PLAU: variants seen among roughly 807,000 people sequenced by gnomAD.
PLAU encodes the protein urokinase-type plasminogen activator.
PLAU carries 32 observed loss-of-function variants against 48.9 expected under a neutral mutation model. The observed-to-expected ratio is 0.65, with a 90% confidence interval of 0.49 to 0.88. The LOEUF (loss-of-function observed/expected upper bound fraction) is 0.88. PLAU is among the 40% of genes least tolerant of loss of function. PLAU has a pLI of 0.00. For synonymous variants in PLAU, 199 were observed against 205.7 expected, an observed-to-expected ratio of 0.97 and a Z score of 0.28; for missense variants, 455 against 545.2, an observed-to-expected ratio of 0.83 and a Z score of 1.65.
chr10:73,914,369 A>T (rs1240061466), intron 8 of PLAU, among the ~76,000 whole-genome samples: 2 of 152,234 alleles, frequency 1.3e-5, no homozygotes, highest in Non-Finnish European at 2.9e-5. Context: ...GAGTGGAAAC[A>T]GCCCTGTGGG....
At chr10:73,914,218 G>T (rs549638430) in intron 8 of PLAU, 90 bp downstream of exon 8, 489 of 1,359,550 alleles carry the variant, frequency 3.6e-4, no homozygotes, top group Non-Finnish European at 4.3e-4. Flanking sequence ...GAAGCTGCCC[G>T]GTGGGGCAGG....
intron 3 of PLAU, 34 bp downstream of exon 3, chr10:73,912,102 A>C: frequency 6.2e-7 from 1 of 1,603,996 alleles, no homozygotes; most frequent in South Asian, 1.1e-5. Context: ...TTGGCTGCAC[A>C]GACAAGTTGG....
chr10:73,914,649 C>A, intron 8 of PLAU, 127 bp from the exon 9 acceptor site: 2 of 865,776 alleles, frequency 2.3e-6, no homozygotes, highest in Non-Finnish European at 3.5e-6. Context: ...TGATAAGCGA[C>A]CAGCAGACCT....
intron 10 of PLAU, 115 bp from the exon 11 acceptor site, chr10:73,916,274 C>T (rs902132573): frequency 6.2e-5 from 56 of 909,620 alleles, no homozygotes; most frequent in Middle Eastern, 2.5e-4. Flanking sequence ...AATGGGAAGT[C>T]GCTAAGGACT....
At chr10:73,913,794 C>T in intron 7 of PLAU, 36 bp downstream of exon 7, 2 of 1,505,750 alleles carry the variant, frequency 1.3e-6, no homozygotes, top group African/African-American at 1.4e-5. Context: ...GACTCTTCTG[C>T]CCCACCCCAA....
chr10:73,913,882 C>A, intron 7 of PLAU, 98 bp from the exon 8 acceptor site: 1 of 1,402,906 alleles, frequency 7.1e-7, no homozygotes, highest in Non-Finnish European at 1.0e-6. Context: ...CAGCCCATGG[C>A]CTTGGGGACA....
upstream of PLAU, chr10:73,911,093 G>A: frequency 6.1e-6 from 1 of 162,964 alleles, no homozygotes; most frequent in South Asian, 1.8e-4. Flanking sequence ...GCGGCGCCGG[G>A]GCGGGCCCTG....
rs2096134146 is a variant in PLAU at position 73,915,275 on chromosome 10, T to C, written c.995T>C (p.Leu332Pro). The stretch of plus-strand genomic sequence containing the variant: ...GCCGACTATCTCTATCCGGAGCAGC[T>C]GAAAATGACTGTTGTGAAGCTGATT... ...NSTDYLYPEQ[L>P]KMTVVKLISH... The change falls in exon 10 of 11, where the codon CTG (leucine) becomes CCG (proline). Residue 332 changes from leucine to proline, a missense_variant. Transcript: ENST00000372764. 6.2e-7 allele frequency: 1 copy of C among 1,613,896 alleles called. No homozygotes were observed. Among genetic ancestry groups the C allele is most frequent in the East Asian group, 2.2e-5 (1 of 44,878 alleles).
intron 8 of PLAU, 55 bp downstream of exon 8, chr10:73,914,183 C>A: frequency 6.3e-7 from 1 of 1,590,250 alleles, no homozygotes; most frequent in Non-Finnish European, 8.6e-7. Context: ...AGAGTGGGAC[C>A]CAGGGAGAGA....
rs2227580 is a variant in PLAU, at chr10:73,911,598, G to A, written c.43G>A (p.Val15Met). Residue 15 changes from valine (V) to methionine (M), a missense_variant, in exon 2 of 11, where the codon GTG (valine) becomes ATG (methionine). Transcript: ENST00000372764. ...GCGCCTGCTTCTCTGCGTCCTGGTC[G>A]TGAGCGACTCCAAAGTGAGTGCGCT... ...LARLLLCVLVVSDSKGSNELH... is the reference protein window; with the variant it reads ...LARLLLCVLVMSDSKGSNELH... 2 of 1,613,716 alleles carry A rather than the reference G, an allele frequency of 1.2e-6. No individual in the cohort carries two copies. Among genetic ancestry groups the A allele is most frequent in the African/African-American group, 1.3e-5 (1 of 74,928 alleles).
Position 73,916,389 on chromosome 10 carries a change from G to C in PLAU, c.1120G>C (p.Gly374Arg), listed in dbSNP as rs765147277. Residue 374 changes from glycine to arginine, a missense_variant and splice_region_variant, in exon 11 of 11, where the codon GGA becomes CGA. Coordinates refer to ENST00000372764, the MANE Select transcript of PLAU (RefSeq NM_002658.6). ...ATCTTTTGTATCTTTGGCGTCACAGGGAGACTCAGGGGGACCCCTCGTCTG... is the reference window on the plus strand; with the variant it reads ...ATCTTTTGTATCTTTGGCGTCACAGCGAGACTCAGGGGGACCCCTCGTCTG... Reference protein sequence around the residue: ...DPQWKTDSCQGDSGGPLVCSL... With the variant: ...DPQWKTDSCQRDSGGPLVCSL... 2 of 1,612,294 alleles carry C rather than the reference G, an allele frequency of 1.2e-6. No homozygotes were observed. Among genetic ancestry groups the C allele is most frequent in the South Asian group, 2.2e-5 (2 of 90,688 alleles).
intron 9 of PLAU, 125 bp from the exon 10 acceptor site, chr10:73,915,126 T>C: frequency 8.7e-7 from 1 of 1,145,252 alleles, no homozygotes; most frequent in Non-Finnish European, 1.3e-6. Flanking sequence ...GAGTAAAGGC[T>C]CAGATTTGCA....
At chr10:73,914,432 C>T (rs2096132010) in intron 8 of PLAU, among the ~76,000 whole-genome samples, 1 of 152,236 alleles carries the variant, frequency 6.6e-6, no homozygotes, top group South Asian at 2.1e-4. Flanking sequence ...AAAAGACACA[C>T]CTTCCTTTGT....
Position 73,912,917 on chromosome 10 carries a change from C to G in PLAU, c.194-7C>G, listed in dbSNP as rs371765951. 35 of 1,601,446 alleles carry G rather than the reference C, an allele frequency of 2.2e-5. No homozygotes were observed. The highest frequency in any genetic ancestry group is 2.6e-5 in the Non-Finnish European group (30 of 1,173,652). Reference sequence around the variant, plus strand: ...TCATATTCTCTCATCCTCCTGTCCCCTTGTAGATAAGTCAAAAACCTGCTA... The same window carrying G: ...TCATATTCTCTCATCCTCCTGTCCCGTTGTAGATAAGTCAAAAACCTGCTA... On this transcript the variant is annotated splice_region_variant and splice_polypyrimidine_tract_variant and intron_variant, in intron 4 of 10. Transcript: ENST00000372764.
At chr10:73,911,438 G>A in intron 1 of PLAU, 87 bp from the exon 2 acceptor site, 1 of 1,329,756 alleles carries the variant, frequency 7.5e-7, no homozygotes, top group East Asian at 2.5e-5. Context: ...CCTGGTCACC[G>A]CGGGCATCTC....
rs771118510 is a variant in PLAU, at chr10:73,914,146, G to C, written c.829+18G>C. On this transcript the variant is annotated intron_variant, in intron 8 of 10. Transcript: ENST00000372764. ...CGACATTGGTGAGGGGGAACCCCGC[G>C]ACTACTGTGGCCATAATGGCTTGGG... 1 of 1,613,018 alleles carries C rather than the reference G, an allele frequency of 6.2e-7. No individual in the cohort carries two copies. Among genetic ancestry groups the C allele is most frequent in the Admixed American group, 1.7e-5 (1 of 60,014 alleles).
At position 73,914,918 on chromosome 10, in the gene PLAU, T is replaced by C; in HGVS notation, c.970+2T>C. The C allele has an allele frequency of 6.2e-7, 1 of 1,613,924 alleles. No individual in the cohort carries two copies. Among genetic ancestry groups the C allele is most frequent in the Non-Finnish European group, 8.5e-7 (1 of 1,179,860 alleles). ...CTGGCTTTGGAAAAGAGAATTCTAG[T>C]AAGTGACAATTGCGACTGACTTAGA... On this transcript the variant is annotated splice_donor_variant, in intron 9 of 10. Coordinates refer to ENST00000372764, the MANE Select transcript of PLAU (RefSeq NM_002658.6). LOFTEE classifies it high-confidence loss of function.
At chr10:73,913,448 C>A in intron 6 of PLAU, 67 bp downstream of exon 6, 1 of 1,559,388 alleles carries the variant, frequency 6.4e-7, no homozygotes, top group South Asian at 1.1e-5. Flanking sequence ...CCCCTTATTC[C>A]ATCACAGGAG....
intron 4 of PLAU, 95 bp from the exon 5 acceptor site, chr10:73,912,829 G>A (rs1378138917): frequency 4.2e-6 from 4 of 959,352 alleles, no homozygotes; most frequent in Admixed American, 5.4e-5. Flanking sequence ...CCAACTGGGC[G>A]ACAGAGCAAG....
Sources: gnomAD v4.1 joint callset for allele counts (sites outside exome capture counted in the v4.1 genomes callset) on GRCh38, gnomAD v4.1.1 for gene constraint, MANE v1.5 for transcripts, NCBI Gene and HGNC (gene_info 2026-07-23, HGNC 2026-07-21) for gene names.